ZFYVE16: variants seen among roughly 807,000 people sequenced by gnomAD.
ZFYVE16 encodes zinc finger FYVE-type containing 16.
Under a neutral mutation model 138.1 loss-of-function variants are expected in ZFYVE16, and 89 were observed. That is an observed-to-expected ratio of 0.64 (90% CI 0.54 to 0.77). ZFYVE16 has a LOEUF of 0.77. ZFYVE16 is among the 30% of genes least tolerant of loss of function. ZFYVE16 has a pLI of 0.00. For missense variants in ZFYVE16, 1,793 were observed against 1,786.7 expected, an observed-to-expected ratio of 1.00 and a Z score of -0.06; for synonymous variants, 596 against 618.3, an observed-to-expected ratio of 0.96 and a Z score of 0.53.
At position 80,438,027 on chromosome 5, in the gene ZFYVE16, A is replaced by G. The variant is rs1188176328; in HGVS notation, c.1342A>G (p.Ile448Val). The change falls in exon 4 of 19, where the codon ATT becomes GTT. Residue 448 changes from isoleucine (I) to valine (V), a missense_variant. Physicochemically the swap from Ile to Val is conservative, Grantham distance 29. This residue lies in a region of ZFYVE16 where 1,295 missense variants were observed against 1,204.3 expected (regional missense o/e 1.08). Transcript: ENST00000505560. Reference protein sequence around the residue: ...KCKSILLQSLIEGMEDRKIDP... With the variant: ...KCKSILLQSLVEGMEDRKIDP... Reference sequence around the variant, plus strand: ...TAAAAGCATACTCCTTCAGTCATTAATTGAAGGGATGGAAGACAGAAAGAT... The same window carrying G: ...TAAAAGCATACTCCTTCAGTCATTAGTTGAAGGGATGGAAGACAGAAAGAT... 1.2e-6 allele frequency: 2 copies of G among 1,614,118 alleles called. No homozygotes were observed. The highest frequency in any genetic ancestry group is 8.5e-7 in the Non-Finnish European group (1 of 1,179,970).
At chr5:80,446,105 A>G (rs2112429665) in intron 7 of ZFYVE16, among the ~76,000 whole-genome samples, 1 of 152,158 alleles carries the variant, frequency 6.6e-6, no homozygotes, top group Non-Finnish European at 1.5e-5. Context: ...CGTGTTGGCC[A>G]GGCTGGTCTC....
chr5:80,451,853 C>T (rs1752017402), intron 11 of ZFYVE16, 144 bp downstream of exon 11: 1 of 757,706 alleles, frequency 1.3e-6, no homozygotes, highest in African/African-American at 1.8e-5. Context: ...AGACAACCCT[C>T]TTCTACTACC....
intron 1 of ZFYVE16, among the ~76,000 whole-genome samples, chr5:80,422,449 A>G (rs1433387844): frequency 6.6e-6 from 1 of 151,820 alleles, no homozygotes; most frequent in Non-Finnish European, 1.5e-5. Context: ...TGTATATTGT[A>G]TTTGTTTTGT....
At chr5:80,453,488 G>A (rs1331426523) in intron 11 of ZFYVE16, among the ~76,000 whole-genome samples, 1 of 152,178 alleles carries the variant, frequency 6.6e-6, no homozygotes, top group Non-Finnish European at 1.5e-5. Flanking sequence ...ACTGAAGGTT[G>A]GAGAATCATG....
In ZFYVE16 at chr5:80,421,318, AC is replaced by A. The variant is rs1223614901; in HGVS notation, c.-93-6173del. Among the ~76,000 whole-genome samples the A allele has an allele frequency of 1.2e-3, 183 of 152,262 alleles. 2 individuals are homozygous for A. The highest frequency in any genetic ancestry group is 4.2e-3 in the African/African-American group (176 of 41,526). ...TAGTTTAATTAGATCCCATTTGTCA[AC>A]TGTGGCTTTTGTTGCCATTGCTTTG... is the stretch of plus-strand genomic sequence containing the variant. On this transcript the variant is annotated intron_variant, in intron 1 of 18. Coordinates refer to ENST00000505560, the MANE Select transcript of ZFYVE16 (RefSeq NM_001284236.3).
intron 2 of ZFYVE16, among the ~76,000 whole-genome samples, chr5:80,428,088 A>G (rs942765331): frequency 2.0e-5 from 3 of 151,040 alleles, no homozygotes; most frequent in African/African-American, 4.9e-5. Flanking sequence ...TGCATTTCCA[A>G]CTGAGATTTG....
At chr5:80,465,955 C>G (rs1203159731) in intron 15 of ZFYVE16, among the ~76,000 whole-genome samples, 1 of 147,598 alleles carries the variant, frequency 6.8e-6, no homozygotes, top group African/African-American at 2.5e-5. Context: ...GATGGAGTTT[C>G]CCAGTTATTG....
At chr5:80,465,400 G>GTTTTGTTTTTTT (rs762431523) in intron 15 of ZFYVE16, among the ~76,000 whole-genome samples, 15 of 26,780 alleles carry the variant, frequency 5.6e-4, no homozygotes, top group African/African-American at 1.6e-3. Flanking sequence ...CCTTTTCTTT[G>GTTTTGTTTTTTT]TTTTTTTTTT....
rs1391075969 is a variant in ZFYVE16, at chr5:80,459,418, A to G, written c.3948A>G (p.Thr1316=). Reference sequence around the variant, plus strand: ...ATTGTTGTATTTCTTGATCAGTGACAGGTGCAAGTTTTGTGGTATTCAATG... The same window carrying G: ...ATTGTTGTATTTCTTGATCAGTGACGGGTGCAAGTTTTGTGGTATTCAATG... ...NSATGHPRKV[T]GASFVVFNGA... Residue 1316 remains threonine (T), a synonymous_variant, in exon 15 of 19, where the codon ACA becomes ACG. Transcript: ENST00000505560. The G allele has an allele frequency of 6.2e-6, 10 of 1,612,094 alleles. No homozygotes were observed. The highest frequency in any genetic ancestry group is 8.5e-6 in the Non-Finnish European group (10 of 1,179,174).
chr5:80,442,328 GCAATCCTGAGCTTAAACGAT>G (rs1262575900), intron 5 of ZFYVE16, among the ~76,000 whole-genome samples: 4 of 152,108 alleles, frequency 2.6e-5, no homozygotes, highest in South Asian at 2.1e-4. Flanking sequence ...TGGTCTCAAA[GCAATCCTGAGCTTAAACGAT>G]CTGCCTGCTT....
intron 3 of ZFYVE16, among the ~76,000 whole-genome samples, chr5:80,435,385 T>A (rs1282350144): frequency 6.6e-6 from 1 of 152,062 alleles, no homozygotes; most frequent in Non-Finnish European, 1.5e-5. Flanking sequence ...GCCAGGCTAG[T>A]CTTAAACGCC....
intron 5 of ZFYVE16, 77 bp from the exon 6 acceptor site, chr5:80,443,046 A>G: frequency 3.8e-6 from 5 of 1,332,652 alleles, no homozygotes; most frequent in Non-Finnish European, 5.0e-6. Flanking sequence ...TGAAAAATAG[A>G]ATATTTATTG....
intron 1 of ZFYVE16, among the ~76,000 whole-genome samples, chr5:80,421,697 G>A (rs1747205855): frequency 6.6e-6 from 1 of 152,164 alleles, no homozygotes; most frequent in African/African-American, 2.4e-5. Flanking sequence ...GGTTACTGTA[G>A]CCTTGTAGTA....
Position 80,474,742 on chromosome 5 carries a change from G to T in ZFYVE16, c.4373G>T (p.Cys1458Phe), listed in dbSNP as rs531525628. ...YQFAKEIAMA[C>F]SAALCPHLKT... Reference sequence around the variant, plus strand: ...TTTGCAAAAGAAATAGCCATGGCTTGTAGTGCTGCGCTGTGCCCTCACCTG... The same window carrying T: ...TTTGCAAAAGAAATAGCCATGGCTTTTAGTGCTGCGCTGTGCCCTCACCTG... Residue 1458 changes from cysteine (C) to phenylalanine (F), a missense_variant, in exon 18 of 19, where the codon TGT (cysteine) becomes TTT (phenylalanine). By Grantham distance (205) the Cys-to-Phe change is radical (BLOSUM62 -2). Coordinates refer to ENST00000505560, the MANE Select transcript of ZFYVE16 (RefSeq NM_001284236.3). 1 of 1,613,850 alleles carries T rather than the reference G, an allele frequency of 6.2e-7. No homozygotes were observed. The highest frequency in any genetic ancestry group is 1.3e-5 in the African/African-American group (1 of 74,926).
intron 3 of ZFYVE16, chr5:80,435,825 G>T (rs995082028): frequency 4.9e-5 from 16 of 328,372 alleles, no homozygotes; most frequent in Non-Finnish European, 8.7e-5. Flanking sequence ...TCCTCCGACC[G>T]TGGCTTCCCA....
intron 5 of ZFYVE16, chr5:80,440,646 G>C: frequency 2.1e-6 from 2 of 958,094 alleles, no homozygotes; most frequent in Non-Finnish European, 2.4e-6. Context: ...GGTGGTCTTT[G>C]AGTTCTCACA....
At chr5:80,411,134 A>ATTTTTTTTTTTTT (rs58086060) in intron 1 of ZFYVE16, among the ~76,000 whole-genome samples, 10 of 95,226 alleles carry the variant, frequency 1.1e-4, no homozygotes, top group East Asian at 3.1e-4. Flanking sequence ...CGCCCAGCTA[A>ATTTTTTTTTTTTT]TTTTTTTTTT....
intron 1 of ZFYVE16, among the ~76,000 whole-genome samples, chr5:80,425,834 A>G (rs1747904380): frequency 6.6e-6 from 1 of 152,114 alleles, no homozygotes; most frequent in African/African-American, 2.4e-5. Flanking sequence ...TGTTGACTTG[A>G]TCCCACCATT....
intron 1 of ZFYVE16, among the ~76,000 whole-genome samples, chr5:80,426,447 CA>C: frequency 6.6e-6 from 1 of 151,638 alleles, no homozygotes; most frequent in African/African-American, 2.4e-5. Context: ...CCCTCACCAC[CA>C]CCCCCCCACC....
Sources: allele counts gnomAD v4.1 joint callset (sites outside exome capture counted in the v4.1 genomes callset), GRCh38; gene constraint gnomAD v4.1.1; regional missense constraint gnomAD v4.1.1; transcripts MANE v1.5; gene names NCBI Gene and HGNC (gene_info 2026-07-23, HGNC 2026-07-21).